The following CALN1 variants were observed in gnomAD, a reference collection of about 807,000 sequenced individuals.
CALN1 encodes the protein calcium-binding protein 8.
In CALN1, 17 loss-of-function variants were observed where a neutral mutation model predicts 30.6. That is an observed-to-expected ratio of 0.56 (90% CI 0.38 to 0.83). The LOEUF (loss-of-function observed/expected upper bound fraction) is 0.83, where lower values mean the gene tolerates loss of function less well. Ranked by LOEUF, CALN1 falls within the 40% of genes least tolerant of loss-of-function variation. CALN1 has a pLI of 0.00. For missense variants in CALN1, 291 were observed against 354.9 expected (o/e 0.82, Z 1.45); for synonymous variants, 156 against 131.4 (o/e 1.19, Z -1.28).
chr7:71,919,779 A>G (rs1265363806), intron 5 of CALN1, among the ~76,000 whole-genome samples: 6 of 152,180 alleles, frequency 3.9e-5, no homozygotes, highest in African/African-American at 1.4e-4. Flanking sequence ...CAAAAACCCT[A>G]CAATGATGCT....
chr7:72,203,594 C>G (rs1269883338), intron 3 of CALN1, among the ~76,000 whole-genome samples: 2 of 152,140 alleles, frequency 1.3e-5, no homozygotes, highest in African/African-American at 4.8e-5. Flanking sequence ...CTGACTACTA[C>G]AGTCCACACC....
chr7:72,199,217 G>A (rs1378792442), intron 3 of CALN1, among the ~76,000 whole-genome samples: 2 of 152,338 alleles, frequency 1.3e-5, no homozygotes, highest in Non-Finnish European at 2.9e-5. Flanking sequence ...GAAGGTTGCA[G>A]TGAGCTGAGA....
chr7:72,358,061 A>G (rs1343976521), intron 2 of CALN1, among the ~76,000 whole-genome samples: 1 of 151,696 alleles, frequency 6.6e-6, no homozygotes, highest in Non-Finnish European at 1.5e-5. Flanking sequence ...ATGCAATCAT[A>G]ACTCACTGCA....
intron 2 of CALN1, among the ~76,000 whole-genome samples, chr7:72,385,498 C>T (rs546378529): frequency 6.6e-6 from 1 of 152,198 alleles, no homozygotes; most frequent in South Asian, 2.1e-4. Flanking sequence ...TATGGTTTGG[C>T]TTCATGTCCC....
rs191129245 is a variant in CALN1, at chr7:71,804,473, A to G, written c.658+5863T>C. Among the ~76,000 whole-genome samples the G allele has an allele frequency of 9.8e-5, 15 of 152,318 alleles. 1 individual carries two copies. Among genetic ancestry groups the G allele is most frequent in the East Asian group, 9.6e-4 (5 of 5,190 alleles). Reference sequence around the variant, plus strand: ...TAGTGAGCTGTGGTTGTGCCACTGCATTCCAGCCTGGGTGACACAGCAGGA... The same window carrying G: ...TAGTGAGCTGTGGTTGTGCCACTGCGTTCCAGCCTGGGTGACACAGCAGGA... On this transcript the variant is annotated intron_variant, in intron 6 of 6. Coordinates refer to ENST00000395275, the MANE Select transcript of CALN1 (RefSeq NM_031468.4).
chr7:72,406,171 C>T (rs1806681103), intron 1 of CALN1, among the ~76,000 whole-genome samples: 1 of 152,220 alleles, frequency 6.6e-6, no homozygotes, highest in Non-Finnish European at 1.5e-5. Flanking sequence ...CTCCAGAATT[C>T]CCCTCTCCCA....
the CALN1 span, among the ~76,000 whole-genome samples, chr7:72,454,159 A>C: frequency 6.6e-6 from 1 of 152,160 alleles, no homozygotes; most frequent in Admixed American, 6.5e-5. Flanking sequence ...TTGTTAGGGA[A>C]TTGGAAGGCC....
At chr7:72,154,722 A>C (rs1428479257) in intron 3 of CALN1, among the ~76,000 whole-genome samples, 1 of 152,112 alleles carries the variant, frequency 6.6e-6, no homozygotes. Context: ...GTAAGGCTTA[A>C]TCCGATAAGG....
intron 2 of CALN1, among the ~76,000 whole-genome samples, chr7:72,341,779 G>C (rs148531784): frequency 1.9e-4 from 29 of 152,304 alleles, no homozygotes; most frequent in Middle Eastern, 3.4e-3. Flanking sequence ...AATTAAATGT[G>C]ACTATGTGAA....
chr7:72,384,646 G>GAA (rs945825656), intron 2 of CALN1, among the ~76,000 whole-genome samples: 2 of 145,174 alleles, frequency 1.4e-5, no homozygotes, highest in African/African-American at 2.5e-5. Context: ...CCCGTCTCAA[G>GAA]AAAAAAAAAA....
chr7:72,395,610 G>A (rs1442671821), intron 2 of CALN1, among the ~76,000 whole-genome samples: 4 of 152,248 alleles, frequency 2.6e-5, no homozygotes, highest in East Asian at 3.9e-4. Flanking sequence ...TGCATTAGAA[G>A]AATCACAAAG....
At chr7:72,221,064 A>G (rs1793251940) in intron 3 of CALN1, among the ~76,000 whole-genome samples, 1 of 152,020 alleles carries the variant, frequency 6.6e-6, no homozygotes, top group Non-Finnish European at 1.5e-5. Context: ...CCCATTTGTC[A>G]ATTTTGGCTT....
chr7:72,329,879 T>G (rs181768708), intron 2 of CALN1, among the ~76,000 whole-genome samples: 41 of 152,082 alleles, frequency 2.7e-4, no homozygotes, highest in South Asian at 4.2e-4. Flanking sequence ...GTTTGAATCC[T>G]GGAGGCAGAG....
the CALN1 span, among the ~76,000 whole-genome samples, chr7:72,478,213 A>G: frequency 6.7e-6 from 1 of 149,994 alleles, no homozygotes; most frequent in Non-Finnish European, 1.5e-5. Flanking sequence ...TGTCTCTACA[A>G]AATATACATA....
At chr7:72,499,826 C>CTTCTTTCT in the CALN1 span, among the ~76,000 whole-genome samples, 87 of 53,296 alleles carry the variant, frequency 1.6e-3, 1 homozygote, top group East Asian at 4.0e-3. Context: ...TCCTTCCTTC[C>CTTCTTTCT]TTCTTTCTTT....
At chr7:72,208,968 TTTCC>T (rs973012020) in intron 3 of CALN1, among the ~76,000 whole-genome samples, 1 of 151,280 alleles carries the variant, frequency 6.6e-6, no homozygotes, top group East Asian at 2.0e-4. Context: ...CCTCCCTCCC[TTTCC>T]TTCCTTTTCC....
In CALN1 at chr7:71,877,867, T is replaced by C. The variant is rs189056405; in HGVS notation, c.502-67375A>G. The stretch of plus-strand genomic sequence containing the variant: ...TAAAACACTGATGAGGGGCATTGAT[T>C]TTATGACAGTCAATATACAAGCATC... On this transcript the variant is annotated intron_variant, in intron 5 of 6. Transcript: ENST00000395275. Among the ~76,000 whole-genome samples, 81 of 152,290 alleles carry C rather than the reference T, an allele frequency of 5.3e-4. 1 individual carries two copies. In the East Asian group the frequency reaches 0.014, roughly 26 times the overall value.
intron 4 of CALN1, among the ~76,000 whole-genome samples, chr7:72,076,555 G>A (rs1368767008): frequency 2.4e-5 from 3 of 125,760 alleles, no homozygotes; most frequent in South Asian, 2.8e-4. Flanking sequence ...CCGAGATCAC[G>A]CCACTGCACT....
intron 6 of CALN1, among the ~76,000 whole-genome samples, chr7:71,795,080 T>C (rs1205511142): frequency 6.7e-6 from 1 of 148,158 alleles, no homozygotes; most frequent in African/African-American, 2.6e-5. Context: ...TGGAGTGCAG[T>C]GGCACGATAT....
Sources: gnomAD v4.1 joint callset for allele counts (sites outside exome capture counted in the v4.1 genomes callset) on GRCh38, gnomAD v4.1.1 for gene constraint, MANE v1.5 for transcripts, NCBI Gene and HGNC (gene_info 2026-07-23, HGNC 2026-07-21) for gene names.